Variants in NIPBL observed in about 807,000 individuals in gnomAD.
The protein encoded by NIPBL is nipped-B-like protein.
NIPBL carries 19 observed loss-of-function variants against 321.8 expected under a neutral mutation model. The ratio of observed to expected loss-of-function variants is 0.06; its 90% CI spans 0.04 to 0.09. The LOEUF (loss-of-function observed/expected upper bound fraction) is 0.09. Among genes scored for constraint, NIPBL ranks in the 10% least tolerant of loss-of-function variants. The pLI, the probability that NIPBL is intolerant of heterozygous loss-of-function variation, is 1.00. For synonymous variants in NIPBL, 1,106 were observed against 1,114.1 expected (o/e 0.99, Z 0.14); for missense variants, 2,210 against 3,327.0 (o/e 0.66, Z 8.26).
chr5:36,994,071 T>C (rs16903438), intron 10 of NIPBL, among the ~76,000 whole-genome samples: 3,369 of 152,268 alleles, frequency 0.022, 128 homozygotes, highest in African/African-American at 0.078. Context: ...GCTGAAAATA[T>C]GCAATGCAAA....
chr5:36,898,992 T>A (rs1159517583), intron 1 of NIPBL, among the ~76,000 whole-genome samples: 1 of 152,230 alleles, frequency 6.6e-6, no homozygotes, highest in East Asian at 1.9e-4. Context: ...ATTTTAAAAT[T>A]GGATTTTGAT....
At position 36,953,434 on chromosome 5, in the gene NIPBL, C is replaced by A. The variant is rs547936468; in HGVS notation, c.-79-184C>A. 1.2e-4 allele frequency among the ~76,000 whole-genome samples: 19 copies of A among 152,234 alleles called. 1 individual carries two copies. The South Asian group carries it at 3.9e-3, about 32-fold the overall frequency. On this transcript the variant is annotated intron_variant, in intron 1 of 46. Transcript: ENST00000282516. Reference sequence around the variant, plus strand: ...CTACTGTACTGGGTTGTTGTGAGAACTGAATTAATGTGTGCAAAGCACTTT... The same window carrying A: ...CTACTGTACTGGGTTGTTGTGAGAAATGAATTAATGTGTGCAAAGCACTTT...
In NIPBL at chr5:36,936,106, A is replaced by C. The variant is rs1424350567; in HGVS notation, c.-79-17512A>C. Among the ~76,000 whole-genome samples, 3 of 152,162 alleles carry C rather than the reference A, an allele frequency of 2.0e-5. No individual in the cohort carries two copies. The East Asian group carries it at 5.8e-4, about 29-fold the overall frequency. On this transcript the variant is annotated intron_variant, in intron 1 of 46. Transcript: ENST00000282516. ...AACTATTCAGTAATTGCATAGTTAT[A>C]GTCCTGTCATCAAAGTTACTTGAAT...
chr5:37,051,669 G>A, intron 40 of NIPBL, 110 bp from the exon 41 acceptor site: 2 of 725,618 alleles, frequency 2.8e-6, no homozygotes, highest in Non-Finnish European at 5.0e-6. Flanking sequence ...TTATAGGAAG[G>A]CCTATAAGGT....
At chr5:37,042,874 T>G (rs1483784386) in intron 34 of NIPBL, among the ~76,000 whole-genome samples, 1 of 148,402 alleles carries the variant, frequency 6.7e-6, no homozygotes, top group Non-Finnish European at 1.5e-5. Context: ...AAACATGCAT[T>G]GAAAGCCTTA....
At chr5:37,037,629 C>G (rs1751855889) in intron 33 of NIPBL, among the ~76,000 whole-genome samples, 1 of 135,212 alleles carries the variant, frequency 7.4e-6, no homozygotes, top group African/African-American at 2.7e-5. Flanking sequence ...TTTATGCAGT[C>G]TTTTTTTTTT....
At chr5:36,933,737 T>C (rs1290690349) in intron 1 of NIPBL, among the ~76,000 whole-genome samples, 1 of 152,152 alleles carries the variant, frequency 6.6e-6, no homozygotes, top group Non-Finnish European at 1.5e-5. Context: ...AGTTGGCTTT[T>C]ATTGATTAAT....
intron 1 of NIPBL, among the ~76,000 whole-genome samples, chr5:36,883,343 G>A (rs1301301360): frequency 6.6e-6 from 1 of 151,576 alleles, no homozygotes; most frequent in African/African-American, 2.4e-5. Context: ...TCAGAAATTA[G>A]CAATATTAAT....
chr5:36,976,514 A>G (rs1743473671), intron 9 of NIPBL, 112 bp downstream of exon 9: 3 of 998,394 alleles, frequency 3.0e-6, no homozygotes, highest in Non-Finnish European at 4.4e-6. Context: ...ATTTATGTCT[A>G]CTCAAGTACA....
chr5:36,912,481 C>T (rs1386371081), intron 1 of NIPBL, among the ~76,000 whole-genome samples: 2 of 151,466 alleles, frequency 1.3e-5, no homozygotes, highest in African/African-American at 4.9e-5. Flanking sequence ...AGAGTTTGTC[C>T]TAGAGAACAT....
At chr5:36,897,773 A>C (rs926243421) in intron 1 of NIPBL, among the ~76,000 whole-genome samples, 1 of 152,002 alleles carries the variant, frequency 6.6e-6, no homozygotes, top group African/African-American at 2.4e-5. Flanking sequence ...CCTGCTAACA[A>C]TGTGTATATA....
chr5:37,026,842 G>A (rs1291250651), intron 31 of NIPBL, among the ~76,000 whole-genome samples: 1 of 151,304 alleles, frequency 6.6e-6, no homozygotes, highest in Non-Finnish European at 1.5e-5. Flanking sequence ...CAAAGCTGCA[G>A]TATACTGTAA....
At chr5:36,922,204 T>A (rs167146) in intron 1 of NIPBL, among the ~76,000 whole-genome samples, 23,141 of 152,070 alleles carry the variant, frequency 0.15, 2,203 homozygotes, top group East Asian at 0.33. Context: ...ATGTTTTTCT[T>A]AAAAATATGT....
At chr5:36,952,117 T>C (rs1435185831) in intron 1 of NIPBL, among the ~76,000 whole-genome samples, 1 of 151,048 alleles carries the variant, frequency 6.6e-6, no homozygotes, top group African/African-American at 2.4e-5. Flanking sequence ...GCAATAGGTC[T>C]TATATTTATA....
intron 24 of NIPBL, among the ~76,000 whole-genome samples, chr5:37,017,516 G>A (rs1339459578): frequency 6.6e-6 from 1 of 151,288 alleles, no homozygotes; most frequent in Non-Finnish European, 1.5e-5. Context: ...TGAATGTTTT[G>A]TATCTTCTCA....
In NIPBL at chr5:36,945,752, C is replaced by T. The variant is rs375769191; in HGVS notation, c.-79-7866C>T. Among the ~76,000 whole-genome samples the T allele has an allele frequency of 3.3e-5, 5 of 152,154 alleles. No homozygotes were observed. The East Asian group carries it at 5.8e-4, about 18-fold the overall frequency. On this transcript the variant is annotated intron_variant, in intron 1 of 46. Coordinates refer to ENST00000282516, the MANE Select transcript of NIPBL (RefSeq NM_133433.4). Reference sequence around the variant, plus strand: ...TTTTTACAGTGCAGCTTATTGGGAACTTTTTGTTTTTGAGGTAGGATTTGA... The same window carrying T: ...TTTTTACAGTGCAGCTTATTGGGAATTTTTTGTTTTTGAGGTAGGATTTGA...
chr5:36,917,850 T>A (rs1748594998), intron 1 of NIPBL, among the ~76,000 whole-genome samples: 1 of 152,208 alleles, frequency 6.6e-6, no homozygotes, highest in Non-Finnish European at 1.5e-5. Context: ...GTGGTATTAT[T>A]TCTGAGGGCT....
chr5:36,876,900 G>A lies in NIPBL; in HGVS notation c.-358G>A, dbSNP rs1038899305. On this transcript the variant is annotated 5_prime_UTR_variant, in exon 1 of 47. Coordinates refer to ENST00000282516, the MANE Select transcript of NIPBL (RefSeq NM_133433.4). The stretch of plus-strand genomic sequence containing the variant: ...CCAAGCCGCAGGGAGGGACGCCCCC[G>A]CCGACAGGAGAATTGGTTCCCGGGC... The A allele has an allele frequency of 3.3e-5, 5 of 151,926 alleles. No individual in the cohort carries two copies. The highest frequency in any genetic ancestry group is 1.5e-4 in the African/African-American group (5 of 33,984). 9.4% of individuals were successfully genotyped at this position (151,926 alleles called of 1,614,324 possible).
intron 7 of NIPBL, 100 bp from the exon 8 acceptor site, chr5:36,971,845 T>A: frequency 6.6e-7 from 1 of 1,522,062 alleles, no homozygotes; most frequent in South Asian, 1.2e-5. Context: ...ATTCCAACAC[T>A]TTACCTGTCA....
Sources: gnomAD v4.1 joint callset for allele counts (sites outside exome capture counted in the v4.1 genomes callset) on GRCh38, gnomAD v4.1.1 for gene constraint, MANE v1.5 for transcripts, NCBI Gene and HGNC (gene_info 2026-07-23, HGNC 2026-07-21) for gene names.